The following NAALADL2 variants were observed in gnomAD, a reference collection of about 807,000 sequenced individuals.
NAALADL2 encodes the protein N-acetylated alpha-linked acidic dipeptidase like 2, also known as inactive N-acetylated-alpha-linked acidic dipeptidase-like protein 2.
Under a neutral mutation model 87.2 loss-of-function variants are expected in NAALADL2, and 76 were observed. The ratio of observed to expected loss-of-function variants is 0.87; its 90% CI spans 0.72 to 1.05. NAALADL2 has a LOEUF of 1.05. Ranked by LOEUF, NAALADL2 falls within the 50% of genes least tolerant of loss-of-function variation. The probability of loss-of-function intolerance (pLI) is 0.00; values close to 1 mark genes in which losing one functional copy is unlikely to be tolerated. For missense variants in NAALADL2, 1,089 were observed against 945.8 expected, an observed-to-expected ratio of 1.15 and a Z score of -1.99; for synonymous variants, 354 against 331.0, an observed-to-expected ratio of 1.07 and a Z score of -0.75.
intron 10 of NAALADL2, among the ~76,000 whole-genome samples, chr3:175,592,465 A>G (rs1337447871): frequency 6.6e-6 from 1 of 151,866 alleles, no homozygotes; most frequent in Non-Finnish European, 1.5e-5. Flanking sequence ...TTACATGTAG[A>G]CTGTAGTTAC....
At position 174,951,993 on chromosome 3, in the gene NAALADL2, T is replaced by C. The variant is rs138290538; in HGVS notation, c.43+92543T>C. Among the ~76,000 whole-genome samples, 18 of 152,244 alleles carry C rather than the reference T, an allele frequency of 1.2e-4. 1 individual carries two copies. The highest frequency in any genetic ancestry group is 4.1e-4 in the African/African-American group (17 of 41,546). On this transcript the variant is annotated intron_variant, in intron 1 of 13. Coordinates refer to ENST00000454872, the MANE Select transcript of NAALADL2 (RefSeq NM_207015.3). ...TACTCTATGCCTCTGAACATGCTTT[T>C]TCTCTTATCTCTGTTGCCTTCCCCT...
At chr3:174,713,611 A>C (rs1388158096) in intron 2 of NAALADL2, among the ~76,000 whole-genome samples, 1 of 152,128 alleles carries the variant, frequency 6.6e-6, no homozygotes, top group Admixed American at 6.5e-5. Context: ...TGTTTTGAGA[A>C]GTGTCTGTTC....
At chr3:175,095,145 G>C (rs577640801) in intron 1 of NAALADL2, among the ~76,000 whole-genome samples, 32 of 152,044 alleles carry the variant, frequency 2.1e-4, no homozygotes, top group African/African-American at 7.7e-4. Flanking sequence ...TTCAAATGGG[G>C]CATTCTTATT....
rs77824652 is a variant in NAALADL2 at position 175,086,664 on chromosome 3, G to A, written c.44-10126G>A. Among the ~76,000 whole-genome samples the A allele has an allele frequency of 3.2e-3, 490 of 151,982 alleles. 3 individuals are homozygous for A. Among genetic ancestry groups the A allele is most frequent in the East Asian group, 0.021 (108 of 5,164 alleles). ...CATATCAGCATTACTTTTATGTGCC[G>A]TTGGAGGTCTTTCATTTTTTATATT... is the stretch of plus-strand genomic sequence containing the variant. On this transcript the variant is annotated intron_variant, in intron 1 of 13. Transcript: ENST00000454872.
chr3:174,767,783 C>A (rs1714024001), intron 3 of NAALADL2, among the ~76,000 whole-genome samples: 1 of 152,160 alleles, frequency 6.6e-6, no homozygotes, highest in Non-Finnish European at 1.5e-5. Flanking sequence ...AACTGCTTAT[C>A]CTTTTTTATA....
intron 2 of NAALADL2, among the ~76,000 whole-genome samples, chr3:174,616,630 C>A (rs2108654934): frequency 6.6e-6 from 1 of 151,968 alleles, no homozygotes. Flanking sequence ...AATATTAATT[C>A]TGATGCCAGA....
At chr3:175,468,403 T>A (rs7433056) in intron 8 of NAALADL2, among the ~76,000 whole-genome samples, 2 of 151,854 alleles carry the variant, frequency 1.3e-5, no homozygotes, top group Admixed American at 6.6e-5. Flanking sequence ...TGAACCAACC[T>A]CTCAAACTCA....
chr3:175,154,184 C>T (rs961365105), intron 2 of NAALADL2, among the ~76,000 whole-genome samples: 1 of 151,996 alleles, frequency 6.6e-6, no homozygotes, highest in African/African-American at 2.4e-5. Flanking sequence ...TCTGAGGCTG[C>T]CTTTAATGAT....
chr3:175,181,362 G>A (rs1186092426), intron 2 of NAALADL2, among the ~76,000 whole-genome samples: 3 of 151,860 alleles, frequency 2.0e-5, no homozygotes, highest in Non-Finnish European at 2.9e-5. Flanking sequence ...TGTAGACAGT[G>A]TATAGTGACT....
At position 175,104,706 on chromosome 3, in the gene NAALADL2, G is replaced by A. The variant is rs537754678; in HGVS notation, c.545+7415G>A. ...TGTAAATGCATGCACATAATTCAGT[G>A]TATGCAAACGATAACAGAATGAATT... On this transcript the variant is annotated intron_variant, in intron 2 of 13. Coordinates refer to ENST00000454872, the MANE Select transcript of NAALADL2 (RefSeq NM_207015.3). Among the ~76,000 whole-genome samples the A allele has an allele frequency of 6.6e-5, 10 of 152,210 alleles. No individual in the cohort carries two copies. The East Asian group carries it at 1.5e-3, about 24-fold the overall frequency.
At position 175,467,147 on chromosome 3, in the gene NAALADL2, C is replaced by A; in HGVS notation, c.1496C>A (p.Thr499Lys). ...ATTGTTTTCTGTTCTTGGGGAGGAA[C>A]AGCTTTTGGCAATATTGGCTCATAT... ...RTIVFCSWGG[T>K]AFGNIGSYEW... Residue 499 changes from threonine to lysine, a missense_variant, in exon 8 of 14, where the codon ACA becomes AAA. Coordinates refer to ENST00000454872, the MANE Select transcript of NAALADL2 (RefSeq NM_207015.3). 6.2e-7 allele frequency: 1 copy of A among 1,613,804 alleles called. No homozygotes were observed. Among genetic ancestry groups the A allele is most frequent in the Non-Finnish European group, 8.5e-7 (1 of 1,179,802 alleles).
At chr3:175,538,013 A>T (rs976567947) in intron 9 of NAALADL2, among the ~76,000 whole-genome samples, 3 of 152,166 alleles carry the variant, frequency 2.0e-5, no homozygotes, top group Non-Finnish European at 4.4e-5. Context: ...ACAAATTGTG[A>T]TTTTCAGATA....
chr3:175,209,324 A>C (rs749541507), intron 2 of NAALADL2, among the ~76,000 whole-genome samples: 1 of 152,138 alleles, frequency 6.6e-6, no homozygotes, highest in Non-Finnish European at 1.5e-5. Context: ...AAGTGATGCT[A>C]TATTCCGTCT....
intron 3 of NAALADL2, among the ~76,000 whole-genome samples, chr3:174,788,082 CAAA>C (rs930640908): frequency 1.2e-3 from 187 of 152,124 alleles, no homozygotes; most frequent in African/African-American, 4.1e-3. Context: ...AGAGAAGACT[CAAA>C]AAGAGATATC....
At chr3:174,864,068 A>C (rs959429783) in intron 1 of NAALADL2, 18 of 455,648 alleles carry the variant, frequency 4.0e-5, no homozygotes, top group African/African-American at 3.2e-4. Context: ...AGTTGCTGAA[A>C]ATGTCAAGGC....
At chr3:175,027,958 G>A (rs936481029) in intron 1 of NAALADL2, among the ~76,000 whole-genome samples, 1 of 151,506 alleles carries the variant, frequency 6.6e-6, no homozygotes, top group Non-Finnish European at 1.5e-5. Context: ...GCTATATCTG[G>A]AATTATTCAC....
intron 1 of NAALADL2, among the ~76,000 whole-genome samples, chr3:175,075,463 C>T (rs1716416906): frequency 6.6e-6 from 1 of 152,124 alleles, no homozygotes; most frequent in African/African-American, 2.4e-5. Flanking sequence ...ATTTTTAATG[C>T]CTGTATTTCT....
intron 2 of NAALADL2, among the ~76,000 whole-genome samples, chr3:174,725,271 C>A (rs1225153169): frequency 1.3e-5 from 2 of 152,168 alleles, no homozygotes; most frequent in Admixed American, 6.5e-5. Flanking sequence ...TAACCTAATT[C>A]ATTAGATGTT....
At chr3:175,138,803 C>T (rs1229964492) in intron 2 of NAALADL2, among the ~76,000 whole-genome samples, 1 of 144,500 alleles carries the variant, frequency 6.9e-6, no homozygotes, top group Non-Finnish European at 1.5e-5. Flanking sequence ...ATATATACTG[C>T]TATTGGTAGT....
Sources: allele counts gnomAD v4.1 joint callset (sites outside exome capture counted in the v4.1 genomes callset), GRCh38; gene constraint gnomAD v4.1.1; transcripts MANE v1.5; gene names NCBI Gene and HGNC (gene_info 2026-07-23, HGNC 2026-07-21).